PTPRM: variants seen among roughly 807,000 people sequenced by gnomAD.
PTPRM encodes receptor-type tyrosine-protein phosphatase mu.
A neutral mutation model predicts 186.7 loss-of-function variants in PTPRM; 47 were observed. The observed-to-expected ratio is 0.25, with a 90% CI of 0.20 to 0.32. The LOEUF is 0.32. PTPRM is among the 10% of genes least tolerant of loss of function. The pLI is 1.00. For missense variants in PTPRM, 1,494 were observed against 1,865.0 expected, an observed-to-expected ratio of 0.80 and a Z score of 3.66; for synonymous variants, 668 against 674.9, an observed-to-expected ratio of 0.99 and a Z score of 0.16.
chr18:8,369,910 A>G (rs1014484746), intron 23 of PTPRM, among the ~76,000 whole-genome samples: 3 of 152,202 alleles, frequency 2.0e-5, no homozygotes, highest in Admixed American at 6.5e-5. Context: ...CGATCACGCC[A>G]CTGCACTCCA....
At chr18:8,336,537 G>A (rs900359182) in intron 22 of PTPRM, among the ~76,000 whole-genome samples, 7 of 145,598 alleles carry the variant, frequency 4.8e-5, no homozygotes, top group African/African-American at 1.5e-4. Context: ...GGGCGACAGA[G>A]CTAGACTCTG....
intron 19 of PTPRM, among the ~76,000 whole-genome samples, chr18:8,267,523 A>G (rs1043690537): frequency 6.6e-6 from 1 of 152,144 alleles, no homozygotes; most frequent in Non-Finnish European, 1.5e-5. Flanking sequence ...CTTAACACAA[A>G]GAGTTTCATA....
intron 2 of PTPRM, among the ~76,000 whole-genome samples, chr18:7,786,524 G>A (rs1428010138): frequency 6.6e-6 from 1 of 152,014 alleles, no homozygotes; most frequent in Non-Finnish European, 1.5e-5. Flanking sequence ...GAAATCCTTG[G>A]CATAAAACTT....
chr18:8,040,727 T>C (rs2086640026), intron 7 of PTPRM, among the ~76,000 whole-genome samples: 1 of 152,228 alleles, frequency 6.6e-6, no homozygotes, highest in Non-Finnish European at 1.5e-5. Context: ...ATTCTGGACC[T>C]GGATGCACTG....
intron 7 of PTPRM, among the ~76,000 whole-genome samples, chr18:7,959,014 T>C (rs8096083): frequency 0.38 from 57,866 of 152,024 alleles, 13,044 homozygotes; most frequent in African/African-American, 0.63. Flanking sequence ...GCACTAGACA[T>C]AGGACTAGAG....
At chr18:8,049,901 C>G (rs1012229773) in intron 7 of PTPRM, among the ~76,000 whole-genome samples, 9 of 151,918 alleles carry the variant, frequency 5.9e-5, no homozygotes, top group Admixed American at 6.6e-5. Context: ...TTAGTAGATA[C>G]AGGGTTTCAC....
At chr18:7,815,530 G>A (rs552074783) in intron 2 of PTPRM, 1 of 152,166 alleles carries the variant, frequency 6.6e-6, no homozygotes, top group Admixed American at 6.5e-5. Context: ...TAGAAATAAA[G>A]GCCTAAGCTG....
At chr18:8,119,167 T>C (rs1336277101) in intron 13 of PTPRM, among the ~76,000 whole-genome samples, 1 of 152,184 alleles carries the variant, frequency 6.6e-6, no homozygotes, top group Non-Finnish European at 1.5e-5. Flanking sequence ...TGTAATGGAA[T>C]GTGAATATGG....
intron 13 of PTPRM, among the ~76,000 whole-genome samples, chr18:8,127,631 C>T (rs753749908): frequency 5.3e-5 from 8 of 152,106 alleles, no homozygotes; most frequent in Admixed American, 3.3e-4. Flanking sequence ...TTCCTTCAGA[C>T]GGTGCATACA....
chr18:8,053,606 AT>A (rs1330663035), intron 7 of PTPRM, among the ~76,000 whole-genome samples: 1 of 152,120 alleles, frequency 6.6e-6, no homozygotes, highest in African/African-American at 2.4e-5. Flanking sequence ...TTCCTACCTC[AT>A]TCTTCCTACG....
chr18:7,861,491 G>A (rs2047377351), intron 2 of PTPRM, among the ~76,000 whole-genome samples: 1 of 152,082 alleles, frequency 6.6e-6, no homozygotes, highest in Non-Finnish European at 1.5e-5. Context: ...ATTTATACTT[G>A]TACATAATCA....
At chr18:8,278,968 A>G (rs1601604092) in intron 19 of PTPRM, among the ~76,000 whole-genome samples, 1 of 152,142 alleles carries the variant, frequency 6.6e-6, no homozygotes, top group African/African-American at 2.4e-5. Flanking sequence ...TAGGAGAAAT[A>G]CCTAATGTAA....
chr18:8,330,694 T>G (rs979775721), intron 22 of PTPRM, among the ~76,000 whole-genome samples: 10 of 150,968 alleles, frequency 6.6e-5, no homozygotes, highest in African/African-American at 2.4e-4. Flanking sequence ...GTCTCTCTGT[T>G]CCCCTCTTTA....
At chr18:8,002,418 A>G (rs28644497) in intron 7 of PTPRM, among the ~76,000 whole-genome samples, 5,105 of 152,288 alleles carry the variant, frequency 0.034, 281 homozygotes, top group African/African-American at 0.12. Flanking sequence ...GACTTGAAAC[A>G]AAGCAAAAGT....
chr18:7,939,030 T>C (rs563728378), intron 5 of PTPRM, among the ~76,000 whole-genome samples: 3 of 152,186 alleles, frequency 2.0e-5, no homozygotes, highest in Non-Finnish European at 4.4e-5. Flanking sequence ...TTATGGGCTA[T>C]ATAAAGGTAG....
intron 17 of PTPRM, among the ~76,000 whole-genome samples, chr18:8,250,805 A>G (rs8095507): frequency 0.17 from 26,091 of 150,970 alleles, 2,639 homozygotes; most frequent in Non-Finnish European, 0.23. Context: ...AAAAAAAAGT[A>G]GAAAAAAAAA....
chr18:8,129,981 G>A (rs771168612), intron 13 of PTPRM, among the ~76,000 whole-genome samples: 2 of 152,164 alleles, frequency 1.3e-5, no homozygotes, highest in Admixed American at 6.5e-5. Flanking sequence ...AGTGTGAAAC[G>A]TGTTCTTCCA....
intron 1 of PTPRM, among the ~76,000 whole-genome samples, chr18:7,624,055 G>A (rs1443748209): frequency 2.0e-5 from 3 of 152,108 alleles, no homozygotes; most frequent in Non-Finnish European, 2.9e-5. Context: ...TGGATCAGGC[G>A]GTGTATACTG....
intron 7 of PTPRM, among the ~76,000 whole-genome samples, chr18:7,964,039 A>G (rs972703074): frequency 6.6e-6 from 1 of 152,170 alleles, no homozygotes; most frequent in Non-Finnish European, 1.5e-5. Flanking sequence ...TATATTTAGT[A>G]AGAAAAAAAA....
Sources: gnomAD v4.1 joint callset for allele counts (sites outside exome capture counted in the v4.1 genomes callset) on GRCh38, gnomAD v4.1.1 for gene constraint, MANE v1.5 for transcripts, NCBI Gene and HGNC (gene_info 2026-07-23, HGNC 2026-07-21) for gene names.